The following OR1B1 variants were observed in gnomAD, a reference collection of about 807,000 sequenced individuals.
OR1B1 encodes olfactory receptor family 1 subfamily B member 1.
For missense variants in OR1B1, 414 were observed against 402.1 expected (o/e 1.03, Z -0.25); for synonymous variants, 168 against 156.2 (o/e 1.08, Z -0.57).
chr9:122,632,777 G>A (rs1420753033), upstream of OR1B1, among the ~76,000 whole-genome samples: 1 of 152,120 alleles, frequency 6.6e-6, no homozygotes, highest in African/African-American at 2.4e-5. Flanking sequence ...AATATGAAGG[G>A]GGTTTGTATT....
At chr9:122,634,663 G>A in the OR1B1 span, among the ~76,000 whole-genome samples, 4 of 152,124 alleles carry the variant, frequency 2.6e-5, no homozygotes, top group South Asian at 8.3e-4. Context: ...TTGACATGTG[G>A]TGATTACAAT....
chr9:122,633,775 CA>C (rs1830227334), upstream of OR1B1, among the ~76,000 whole-genome samples: 1 of 151,872 alleles, frequency 6.6e-6, no homozygotes, highest in South Asian at 2.1e-4. Flanking sequence ...ACTAAAAATA[CA>C]AAAATTAGCC....
At chr9:122,628,235 C>T (rs1302244751), downstream of OR1B1, among the ~76,000 whole-genome samples, 1 of 152,212 alleles carries the variant, frequency 6.6e-6, no homozygotes, top group African/African-American at 2.4e-5. Flanking sequence ...ATTAACTCTA[C>T]TGCTCTTCGT....
chr9:122,631,126 A>G (rs1183520824), upstream of OR1B1, among the ~76,000 whole-genome samples: 1 of 152,194 alleles, frequency 6.6e-6, no homozygotes, highest in African/African-American at 2.4e-5. Flanking sequence ...ATGTAATACA[A>G]TCATCCACAC....
the OR1B1 span, among the ~76,000 whole-genome samples, chr9:122,640,203 G>T: frequency 6.6e-6 from 1 of 151,748 alleles, no homozygotes; most frequent in Admixed American, 6.6e-5. Flanking sequence ...CTAGATATTT[G>T]CTTTTGTCTA....
exon 1 of OR1B1, chr9:122,629,234 G>A: frequency 1.2e-6 from 2 of 1,614,104 alleles, no homozygotes; most frequent in Non-Finnish European, 1.7e-6. Context: ...AAAGAACTGA[G>A]CCAAGCAGCG....
chr9:122,630,590 T>C (rs983292633), upstream of OR1B1, among the ~76,000 whole-genome samples: 3 of 152,236 alleles, frequency 2.0e-5, no homozygotes, highest in Admixed American at 2.0e-4. Flanking sequence ...GTTTAAATAG[T>C]CAGGGACTTC....
chr9:122,653,899 T>C, the OR1B1 span, among the ~76,000 whole-genome samples: 2 of 152,210 alleles, frequency 1.3e-5, no homozygotes, highest in Non-Finnish European at 2.9e-5. Context: ...TTTTGAGTGT[T>C]TATAATTTAG....
chr9:122,652,496 C>G, the OR1B1 span, among the ~76,000 whole-genome samples: 3 of 152,198 alleles, frequency 2.0e-5, no homozygotes, highest in Non-Finnish European at 4.4e-5. Context: ...TTTAGTTTCA[C>G]TTAAACCACA....
upstream of OR1B1, among the ~76,000 whole-genome samples, chr9:122,629,944 A>G (rs78493838): frequency 1.7e-4 from 26 of 152,330 alleles, no homozygotes; most frequent in African/African-American, 5.8e-4. Context: ...CCCAACTGCA[A>G]TCCTCATGAT....
chr9:122,650,890 T>C, the OR1B1 span, among the ~76,000 whole-genome samples: 4 of 152,050 alleles, frequency 2.6e-5, no homozygotes, highest in African/African-American at 4.8e-5. Flanking sequence ...CTGGGCATGG[T>C]GGCGGGCCCC....
At chr9:122,634,643 G>T in the OR1B1 span, among the ~76,000 whole-genome samples, 1 of 152,104 alleles carries the variant, frequency 6.6e-6, no homozygotes, top group Admixed American at 6.6e-5. Flanking sequence ...CCTCCCACCA[G>T]GTCCCTCCCT....
At chr9:122,657,236 T>C in the OR1B1 span, among the ~76,000 whole-genome samples, 3 of 149,760 alleles carry the variant, frequency 2.0e-5, no homozygotes, top group East Asian at 2.2e-4. Flanking sequence ...AAAATTGTTA[T>C]ATAGAACTTA....
the OR1B1 span, among the ~76,000 whole-genome samples, chr9:122,641,367 T>G: frequency 2.2e-4 from 33 of 152,346 alleles, no homozygotes; most frequent in East Asian, 6.2e-3. Flanking sequence ...GTTCCATGTT[T>G]CCAAAAGTAA....
the OR1B1 span, among the ~76,000 whole-genome samples, chr9:122,656,139 T>TTTG: frequency 2.6e-5 from 4 of 152,160 alleles, no homozygotes; most frequent in East Asian, 1.9e-4. Flanking sequence ...GTATCCATTT[T>TTTG]TTGTTGTTGT....
the OR1B1 span, among the ~76,000 whole-genome samples, chr9:122,644,202 C>T: frequency 0.025 from 3,865 of 152,248 alleles, 165 homozygotes; most frequent in African/African-American, 0.089. Flanking sequence ...CATTTCTGGA[C>T]CTGCTCTGGG....
At chr9:122,645,312 TAC>T in the OR1B1 span, among the ~76,000 whole-genome samples, 1 of 151,924 alleles carries the variant, frequency 6.6e-6, no homozygotes, top group Admixed American at 6.6e-5. Context: ...GAGGACCAGT[TAC>T]AGAGTTTTGC....
the OR1B1 span, among the ~76,000 whole-genome samples, chr9:122,643,239 C>T: frequency 6.6e-6 from 1 of 152,126 alleles, no homozygotes; most frequent in Non-Finnish European, 1.5e-5. Flanking sequence ...TCTCTGATGC[C>T]ACCCCTCCCT....
chr9:122,653,117 ACTTTC>A, the OR1B1 span, among the ~76,000 whole-genome samples: 1 of 152,238 alleles, frequency 6.6e-6, no homozygotes, highest in East Asian at 1.9e-4. Context: ...GAAAAGGGAC[ACTTTC>A]CTTGGAGATA....
Sources: allele counts gnomAD v4.1 joint callset (sites outside exome capture counted in the v4.1 genomes callset), GRCh38; gene constraint gnomAD v4.1.1; transcripts MANE v1.5; gene names NCBI Gene and HGNC (gene_info 2026-07-23, HGNC 2026-07-21).